FAXC: variants seen among roughly 807,000 people sequenced by gnomAD.
The protein encoded by FAXC is failed axon connections homolog.
FAXC carries 10 observed loss-of-function variants against 41.9 expected under a neutral mutation model. The ratio of observed to expected loss-of-function variants is 0.24; its 90% confidence interval spans 0.15 to 0.41. FAXC has a LOEUF of 0.41. Among genes scored for constraint, FAXC ranks in the 10% least tolerant of loss-of-function variants. The pLI, the probability that FAXC is intolerant of heterozygous loss-of-function variation, is 1.00. For synonymous variants in FAXC, 183 were observed against 183.8 expected (o/e 1.00, Z 0.03); for missense variants, 399 against 510.9 (o/e 0.78, Z 2.11).
chr6:99,300,593 C>T (rs1005480315), intron 4 of FAXC, among the ~76,000 whole-genome samples: 2 of 152,188 alleles, frequency 1.3e-5, no homozygotes, highest in African/African-American at 4.8e-5. Context: ...GATTTGAGGG[C>T]TATAAAAATT....
chr6:99,300,187 C>A (rs1278266671), intron 4 of FAXC, among the ~76,000 whole-genome samples: 2 of 152,166 alleles, frequency 1.3e-5, no homozygotes, highest in East Asian at 3.8e-4. Flanking sequence ...ACATAAATCC[C>A]CGACTCTAAG....
intron 4 of FAXC, among the ~76,000 whole-genome samples, chr6:99,303,044 G>C (rs1211083567): frequency 6.6e-6 from 1 of 151,924 alleles, no homozygotes; most frequent in Non-Finnish European, 1.5e-5. Flanking sequence ...GGGGTCAGTG[G>C]GAAAAAAAGT....
intron 5 of FAXC, among the ~76,000 whole-genome samples, chr6:99,289,922 A>G (rs922673312): frequency 6.6e-6 from 1 of 151,970 alleles, no homozygotes; most frequent in Non-Finnish European, 1.5e-5. Flanking sequence ...GCTCAGTGCC[A>G]CCACTCGGCA....
At chr6:99,335,745 T>C (rs1773194380) in intron 2 of FAXC, among the ~76,000 whole-genome samples, 2 of 152,238 alleles carry the variant, frequency 1.3e-5, no homozygotes, top group African/African-American at 4.8e-5. Flanking sequence ...AGATCTTTTG[T>C]CTCCATGCTG....
At chr6:99,292,288 T>C (rs1771276937) in intron 4 of FAXC, among the ~76,000 whole-genome samples, 1 of 152,218 alleles carries the variant, frequency 6.6e-6, no homozygotes, top group African/African-American at 2.4e-5. Context: ...CTTAAGAGGT[T>C]TGGAGGTGAG....
At chr6:99,285,521 C>T (rs1484507254) in intron 5 of FAXC, among the ~76,000 whole-genome samples, 1 of 152,054 alleles carries the variant, frequency 6.6e-6, no homozygotes, top group Non-Finnish European at 1.5e-5. Context: ...GAAAAAGGCA[C>T]AAAAGGATTT....
intron 1 of FAXC, among the ~76,000 whole-genome samples, chr6:99,343,440 A>G (rs1773492181): frequency 6.6e-6 from 1 of 152,190 alleles, no homozygotes; most frequent in Non-Finnish European, 1.5e-5. Flanking sequence ...GCTGTGTGTC[A>G]CACATTGTTC....
chr6:99,339,669 A>G (rs1361337672), intron 2 of FAXC, among the ~76,000 whole-genome samples: 2 of 152,188 alleles, frequency 1.3e-5, no homozygotes, highest in African/African-American at 2.4e-5. Flanking sequence ...AAGGAACACA[A>G]TAGATGGGGT....
chr6:99,349,904 G>C (rs1773747853), upstream of FAXC: 1 of 152,138 alleles, frequency 6.6e-6, no homozygotes. Flanking sequence ...GCCCCACCGC[G>C]AGGAAGCTGC....
At chr6:99,311,119 G>A (rs904089087) in intron 4 of FAXC, among the ~76,000 whole-genome samples, 5 of 152,202 alleles carry the variant, frequency 3.3e-5, no homozygotes, top group African/African-American at 9.7e-5. Flanking sequence ...CTGTAAACAC[G>A]AATGCTTTAA....
intron 3 of FAXC, among the ~76,000 whole-genome samples, chr6:99,332,421 A>G (rs1347076467): frequency 6.6e-6 from 1 of 152,228 alleles, no homozygotes; most frequent in Non-Finnish European, 1.5e-5. Flanking sequence ...TAAAGTTTGC[A>G]GAAATCAAGA....
At chr6:99,330,950 G>A (rs1023107852) in intron 3 of FAXC, among the ~76,000 whole-genome samples, 2 of 152,148 alleles carry the variant, frequency 1.3e-5, no homozygotes, top group African/African-American at 4.8e-5. Flanking sequence ...GGAAAGGAGG[G>A]TCTTTTCTCC....
At chr6:99,299,887 A>C (rs1771638594) in intron 4 of FAXC, among the ~76,000 whole-genome samples, 1 of 152,196 alleles carries the variant, frequency 6.6e-6, no homozygotes, top group African/African-American at 2.4e-5. Flanking sequence ...GATTGTGATT[A>C]GCTCACGATC....
chr6:99,301,048 C>T (rs760134914), intron 4 of FAXC, among the ~76,000 whole-genome samples: 3 of 152,222 alleles, frequency 2.0e-5, no homozygotes, highest in Non-Finnish European at 4.4e-5. Flanking sequence ...ATCCAGGATA[C>T]TCAACCACTT....
At chr6:99,319,373 T>C (rs1235910075) in intron 4 of FAXC, among the ~76,000 whole-genome samples, 1 of 126,124 alleles carries the variant, frequency 7.9e-6, no homozygotes, top group Non-Finnish European at 1.5e-5. Flanking sequence ...CACTCTAGCC[T>C]GGGCGACAGA....
At chr6:99,326,984 G>A (rs1306231759) in intron 3 of FAXC, among the ~76,000 whole-genome samples, 4 of 152,160 alleles carry the variant, frequency 2.6e-5, no homozygotes, top group Non-Finnish European at 4.4e-5. Flanking sequence ...GCAATGGTGT[G>A]GGATTCTCTA....
chr6:99,323,298 T>G (rs1207494876), intron 4 of FAXC, 146 bp downstream of exon 4: 6 of 663,178 alleles, frequency 9.0e-6, no homozygotes, highest in Non-Finnish European at 1.5e-5. Context: ...ATTAGAGGAT[T>G]TGGTTAAATG....
At chr6:99,308,241 G>A (rs1772006961) in intron 4 of FAXC, among the ~76,000 whole-genome samples, 1 of 152,220 alleles carries the variant, frequency 6.6e-6, no homozygotes, top group African/African-American at 2.4e-5. Flanking sequence ...AGATTGCAGT[G>A]AGCCAAGGTT....
intron 4 of FAXC, among the ~76,000 whole-genome samples, chr6:99,320,939 A>C (rs1158624495): frequency 6.6e-6 from 1 of 152,212 alleles, no homozygotes. Flanking sequence ...TTTGGAGCAG[A>C]GGTCCGCAAA....
Sources: allele counts gnomAD v4.1 joint callset (sites outside exome capture counted in the v4.1 genomes callset), GRCh38; gene constraint gnomAD v4.1.1; transcripts MANE v1.5; gene names NCBI Gene and HGNC (gene_info 2026-07-23, HGNC 2026-07-21).